The following FCN2 variants were observed in gnomAD, a reference collection of about 807,000 sequenced individuals.
FCN2 encodes ficolin 2, also known as ficolin-2.
In FCN2, 31 loss-of-function variants were observed where a neutral mutation model predicts 32.5. The observed-to-expected ratio is 0.96, with a 90% CI of 0.72 to 1.29. FCN2 has a LOEUF of 1.29. Ranked by LOEUF, FCN2 falls within the 50% of genes most tolerant of loss-of-function variation. FCN2 has a pLI of 0.00. For missense variants in FCN2, 412 were observed against 406.5 expected (o/e 1.01, Z -0.12); for synonymous variants, 181 against 164.5 (o/e 1.10, Z -0.77).
chr9:134,883,445 C>T (rs563421461), intron 3 of FCN2, 90 bp downstream of exon 3: 139 of 1,181,388 alleles, frequency 1.2e-4, no homozygotes, highest in Admixed American at 3.1e-4. Context: ...GGGGCTGCCA[C>T]GCTGTCCTCG....
upstream of FCN2, among the ~76,000 whole-genome samples, chr9:134,878,211 T>C (rs192728921): frequency 6.6e-6 from 1 of 152,312 alleles, no homozygotes; most frequent in East Asian, 1.9e-4. Context: ...CTCCCCTTTA[T>C]ATATGCCTAT....
intron 5 of FCN2, 74 bp downstream of exon 5, chr9:134,885,440 A>T: frequency 2.5e-6 from 4 of 1,579,920 alleles, no homozygotes; most frequent in Non-Finnish European, 3.4e-6. Flanking sequence ...GTGGGAGAAC[A>T]CACTCTGGAA....
At chr9:134,869,379 G>A in the FCN2 span, among the ~76,000 whole-genome samples, 1 of 152,226 alleles carries the variant, frequency 6.6e-6, no homozygotes, top group Non-Finnish European at 1.5e-5. Flanking sequence ...CCACAAAACC[G>A]TGGGTTGCAT....
rs375793228 is a variant in FCN2, at chr9:134,882,584, G to A, written c.159G>A (p.Pro53=). 9 of 1,614,048 alleles carry A rather than the reference G, an allele frequency of 5.6e-6. No homozygotes were observed. Among genetic ancestry groups the A allele is most frequent in the South Asian group, 1.1e-5 (1 of 91,088 alleles). ...SDKLTILRGC[P]GLPGAPGPKG... ...AGCTCACCATTCTCCGAGGCTGTCC[G>A]GGGCTGCCTGGGGCCCCTGGGCCCA... The change falls in exon 2 of 8, where the codon CCG becomes CCA. Residue 53 remains proline (P), a synonymous_variant. Coordinates refer to ENST00000291744, the MANE Select transcript of FCN2 (RefSeq NM_004108.3).
chr9:134,885,821 G>C lies in FCN2; in HGVS notation c.483G>C (p.Thr161=). ...TGGACTTCTACCGGGACTGGGCCAC[G>C]TACAAGCAGGGCTTCGGCAGTCGGC... ...GSVDFYRDWA[T]YKQGFGSRLG... Residue 161 remains threonine, a synonymous_variant, in exon 6 of 8, where the codon ACG becomes ACC. Transcript: ENST00000291744. The C allele has an allele frequency of 2.5e-6, 4 of 1,613,946 alleles. No individual in the cohort carries two copies. Among genetic ancestry groups the C allele is most frequent in the Non-Finnish European group, 3.4e-6 (4 of 1,179,954 alleles).
the FCN2 span, among the ~76,000 whole-genome samples, chr9:134,873,662 A>C: frequency 6.6e-6 from 1 of 152,192 alleles, no homozygotes; most frequent in East Asian, 1.9e-4. Flanking sequence ...ATATTCTCTG[A>C]GTCTGTGGCT....
intron 6 of FCN2, 106 bp downstream of exon 6, chr9:134,886,003 A>C (rs1588645574): frequency 8.2e-7 from 1 of 1,220,452 alleles, no homozygotes. Context: ...CCCACAGGGG[A>C]TTGGGCCCTG....
Position 134,883,332 on chromosome 9 carries a change from A to G in FCN2, c.245A>G (p.Lys82Arg), listed in dbSNP as rs1465162823. 1 of 1,613,650 alleles carries G rather than the reference A, an allele frequency of 6.2e-7. No individual in the cohort carries two copies. The highest frequency in any genetic ancestry group is 8.5e-7 in the Non-Finnish European group (1 of 1,179,678). The change falls in exon 3 of 8, where the codon AAG becomes AGG. Residue 82 changes from lysine to arginine, a missense_variant. Coordinates refer to ENST00000291744, the MANE Select transcript of FCN2 (RefSeq NM_004108.3). ...GERGPPGPPGKAGPPGPNGAP... is the reference protein window; with the variant it reads ...GERGPPGPPGRAGPPGPNGAP... ...CGTGGCCCCCCTGGACCTCCTGGGA[A>G]GGCAGGACCACCTGGGCCCAACGGT...
rs367879883 is a variant in FCN2 at position 134,884,790 on chromosome 9, C to T, written c.301+18C>T. ...CCTGACAGGTGACTGACCACCCCCA[C>T]ACTCCTCCCACGGCTTGTGGCTGCC... On this transcript the variant is annotated intron_variant, in intron 4 of 7. Coordinates refer to ENST00000291744, the MANE Select transcript of FCN2 (RefSeq NM_004108.3). 3.7e-6 allele frequency: 6 copies of T among 1,612,910 alleles called. No homozygotes were observed. In the African/African-American group the frequency reaches 5.3e-5, roughly 14 times the overall value.
the FCN2 span, among the ~76,000 whole-genome samples, chr9:134,872,749 C>T: frequency 2.6e-5 from 4 of 152,234 alleles, no homozygotes; most frequent in East Asian, 3.9e-4. Flanking sequence ...TACCTCCTAC[C>T]GGGTCCCTCC....
the FCN2 span, among the ~76,000 whole-genome samples, chr9:134,873,108 G>GT: frequency 6.2e-3 from 805 of 129,882 alleles, 3 homozygotes; most frequent in Non-Finnish European, 8.4e-3. Context: ...TTGTGTGCCT[G>GT]TTTTTTTTTA....
chr9:134,870,048 ACT>A, the FCN2 span, among the ~76,000 whole-genome samples: 1 of 151,824 alleles, frequency 6.6e-6, no homozygotes, highest in African/African-American at 2.4e-5. This position sits in a 1 kb window ranked among gnomAD's most constrained non-coding sequence, Gnocchi z 4.3. Flanking sequence ...CCTCCTGTCC[ACT>A]CTCAGACTCC....
intron 7 of FCN2, 61 bp from the exon 8 acceptor site, chr9:134,887,107 A>G: frequency 1.3e-6 from 2 of 1,599,152 alleles, no homozygotes; most frequent in South Asian, 1.1e-5. Context: ...AGGTATAAAG[A>G]CTTATACTGT....
the FCN2 span, among the ~76,000 whole-genome samples, chr9:134,864,557 A>G: frequency 1.3e-5 from 2 of 152,192 alleles, no homozygotes; most frequent in Non-Finnish European, 2.9e-5. Flanking sequence ...CTTCAGTGGC[A>G]AAGACCAGAG....
chr9:134,876,487 C>T (rs1332840932), upstream of FCN2, among the ~76,000 whole-genome samples: 1 of 152,078 alleles, frequency 6.6e-6, no homozygotes, highest in East Asian at 1.9e-4. Context: ...TATATGTCTA[C>T]CTTCACATCA....
chr9:134,865,838 C>T, the FCN2 span, among the ~76,000 whole-genome samples: 1 of 152,092 alleles, frequency 6.6e-6, no homozygotes, highest in Non-Finnish European at 1.5e-5. Flanking sequence ...TTCTTATACA[C>T]CAACAACAGA....
At chr9:134,880,467 A>T (rs1435390313), upstream of FCN2, among the ~76,000 whole-genome samples, 1 of 152,206 alleles carries the variant, frequency 6.6e-6, no homozygotes, top group Admixed American at 6.5e-5. Context: ...TTTGAAGCAG[A>T]ACATCTTTAG....
At chr9:134,886,347 C>T in intron 6 of FCN2, 83 bp from the exon 7 acceptor site, 1 of 1,552,310 alleles carries the variant, frequency 6.4e-7, no homozygotes, top group Non-Finnish European at 8.9e-7. Context: ...AGACCTCCTT[C>T]CAGGCCCTGC....
At position 134,887,156 on chromosome 9, in the gene FCN2, C is replaced by T. The variant is rs1830769965; in HGVS notation, c.695-12C>T. On this transcript the variant is annotated splice_polypyrimidine_tract_variant and intron_variant, in intron 7 of 7. Coordinates refer to ENST00000291744, the MANE Select transcript of FCN2 (RefSeq NM_004108.3). ...ACTGCCTGTAACGATGCTCACATTT[C>T]CTCCTGCACAGGAGATTCCCTGACG... 6.2e-7 allele frequency: 1 copy of T among 1,614,002 alleles called. No homozygotes were observed. The highest frequency in any genetic ancestry group is 8.5e-7 in the Non-Finnish European group (1 of 1,179,952).
Sources: allele counts gnomAD v4.1 joint callset (sites outside exome capture counted in the v4.1 genomes callset), GRCh38; gene constraint gnomAD v4.1.1; non-coding constraint Gnocchi (gnomAD v3.1); transcripts MANE v1.5; gene names NCBI Gene and HGNC (gene_info 2026-07-23, HGNC 2026-07-21).